The following ARNT2 variants were observed in gnomAD, a reference collection of about 807,000 sequenced individuals.
ARNT2 encodes ARNT protein 2.
In ARNT2, 36 loss-of-function variants were observed where a neutral mutation model predicts 91.7. The observed-to-expected ratio is 0.39, with a 90% CI of 0.30 to 0.52. The LOEUF (loss-of-function observed/expected upper bound fraction) is 0.52. Ranked by LOEUF, ARNT2 falls within the 20% of genes least tolerant of loss-of-function variation. The pLI, the probability that ARNT2 is intolerant of heterozygous loss-of-function variation, is 0.72. For missense variants in ARNT2, 775 were observed against 939.3 expected (o/e 0.83, Z 2.29); for synonymous variants, 365 against 347.1 (o/e 1.05, Z -0.57).
chr15:80,512,183 T>C (rs758656218), intron 6 of ARNT2, among the ~76,000 whole-genome samples: 2 of 152,224 alleles, frequency 1.3e-5, no homozygotes, highest in Non-Finnish European at 2.9e-5. Context: ...ATGTACAGGC[T>C]GGTTGGTCTC....
Position 80,505,867 on chromosome 15 carries a change from G to A in ARNT2, c.623-2289G>A, listed in dbSNP as rs139946427. Reference sequence around the variant, plus strand: ...AGATGCCCAAGAGACAGTTGTACATGTAAGAGCTTCCAAGAGAGGTCTGGC... The same window carrying A: ...AGATGCCCAAGAGACAGTTGTACATATAAGAGCTTCCAAGAGAGGTCTGGC... On this transcript the variant is annotated intron_variant, in intron 5 of 18. Coordinates refer to ENST00000303329, the MANE Select transcript of ARNT2 (RefSeq NM_014862.4). Among the ~76,000 whole-genome samples, 10 of 150,430 alleles carry A rather than the reference G, an allele frequency of 6.6e-5. No homozygotes were observed. The East Asian group carries it at 2.0e-3, about 29-fold the overall frequency.
At chr15:80,480,489 G>T (rs1006553369) in intron 5 of ARNT2, among the ~76,000 whole-genome samples, 1 of 152,160 alleles carries the variant, frequency 6.6e-6, no homozygotes, top group African/African-American at 2.4e-5. Flanking sequence ...CTCAAGCACT[G>T]CCCTGGGTGG....
chr15:80,480,220 G>A lies in ARNT2; in HGVS notation c.622+4997G>A, dbSNP rs74027990. 6.4e-3 allele frequency among the ~76,000 whole-genome samples: 977 copies of A among 152,316 alleles called. 11 individuals carry two copies. The highest frequency in any genetic ancestry group is 0.022 in the African/African-American group (909 of 41,576). ...CTAAGCCCCAGCTCTCTGCAGGGAA[G>A]GAGAGGAGCTGAGGAGAGGCCCAGG... On this transcript the variant is annotated intron_variant, in intron 5 of 18. Coordinates refer to ENST00000303329, the MANE Select transcript of ARNT2 (RefSeq NM_014862.4).
At chr15:80,563,321 T>C in intron 12 of ARNT2, 82 bp downstream of exon 12, 3 of 1,549,168 alleles carry the variant, frequency 1.9e-6, no homozygotes, top group Non-Finnish European at 2.7e-6. Flanking sequence ...TTGGAGTTCT[T>C]TCTCCCTGCC....
intron 5 of ARNT2, among the ~76,000 whole-genome samples, chr15:80,478,331 C>T (rs1276307170): frequency 6.6e-6 from 1 of 152,196 alleles, no homozygotes; most frequent in Non-Finnish European, 1.5e-5. Context: ...AAGGGTGTAG[C>T]CAGCTGGTTC....
chr15:80,562,876 G>A, intron 11 of ARNT2: 2 of 647,942 alleles, frequency 3.1e-6, no homozygotes, highest in Non-Finnish European at 5.5e-6. Context: ...GTTACAGAAT[G>A]ACCCAGATGC....
At chr15:80,546,287 A>G (rs1422116039) in intron 8 of ARNT2, among the ~76,000 whole-genome samples, 1 of 152,160 alleles carries the variant, frequency 6.6e-6, no homozygotes. Context: ...GATGGCTGCT[A>G]GCACTCCCCG....
chr15:80,467,203 AG>A (rs1896668376), intron 3 of ARNT2, among the ~76,000 whole-genome samples: 1 of 152,140 alleles, frequency 6.6e-6, no homozygotes, highest in Admixed American at 6.5e-5. Context: ...GTGAGACTGG[AG>A]AAAAAGGCTG....
intron 11 of ARNT2, 135 bp from the exon 12 acceptor site, chr15:80,562,953 T>C (rs1335281366): frequency 1.1e-6 from 1 of 944,952 alleles, no homozygotes; most frequent in African/African-American, 1.7e-5. Flanking sequence ...CCTCTCTTAC[T>C]GTCTTTTAGC....
intron 12 of ARNT2, among the ~76,000 whole-genome samples, chr15:80,569,023 G>A (rs1898536487): frequency 6.6e-6 from 1 of 152,190 alleles, no homozygotes; most frequent in African/African-American, 2.4e-5. Flanking sequence ...CCTGTAACAA[G>A]TATTTCGAGT....
chr15:80,451,445 G>A (rs1896388351), intron 2 of ARNT2, among the ~76,000 whole-genome samples: 1 of 152,024 alleles, frequency 6.6e-6, no homozygotes, highest in South Asian at 2.1e-4. Context: ...AGTGCTTGAA[G>A]ACCAGACAGT....
intron 11 of ARNT2, among the ~76,000 whole-genome samples, chr15:80,559,326 G>GCCCC (rs1190177987): frequency 3.8e-4 from 57 of 148,308 alleles, no homozygotes; most frequent in Admixed American, 1.1e-3. Context: ...CCCAGCCCCA[G>GCCCC]ACCCAGCCCC....
chr15:80,552,688 A>T lies in ARNT2; in HGVS notation c.1003A>T (p.Thr335Ser). 6.2e-7 allele frequency: 1 copy of T among 1,614,164 alleles called. No homozygotes were observed. The part of the protein sequence containing the change: ...CMDMNGMSVP[T>S]EFLSRHNSDG... ...GGACATGAATGGGATGTCGGTGCCCACAGAGTTCTTATCCCGGCATAACTC... is the reference window on the plus strand; with the variant it reads ...GGACATGAATGGGATGTCGGTGCCCTCAGAGTTCTTATCCCGGCATAACTC... The change falls in exon 10 of 19, where the codon ACA becomes TCA. Residue 335 changes from threonine to serine, a missense_variant. Coordinates refer to ENST00000303329, the MANE Select transcript of ARNT2 (RefSeq NM_014862.4).
At chr15:80,469,836 A>G (rs1008970491) in intron 3 of ARNT2, among the ~76,000 whole-genome samples, 4 of 152,196 alleles carry the variant, frequency 2.6e-5, no homozygotes, top group Admixed American at 1.3e-4. Flanking sequence ...GCTGGTCTCA[A>G]ACTTCTGGCT....
At chr15:80,443,152 G>A in intron 1 of ARNT2, 3 of 512,798 alleles carry the variant, frequency 5.9e-6, no homozygotes, top group Non-Finnish European at 7.5e-6. Flanking sequence ...CTAATGAGGT[G>A]AAGAGAGAGA....
intron 1 of ARNT2, among the ~76,000 whole-genome samples, chr15:80,449,350 C>T (rs574715573): frequency 4.9e-4 from 75 of 152,248 alleles, no homozygotes; most frequent in Non-Finnish European, 1.8e-4. Context: ...AGTTTGGGGA[C>T]ATAATGGACT....
intron 10 of ARNT2, among the ~76,000 whole-genome samples, chr15:80,553,463 C>T (rs1050416648): frequency 6.6e-6 from 1 of 152,048 alleles, no homozygotes; most frequent in Non-Finnish European, 1.5e-5. Flanking sequence ...AGCACATTGT[C>T]GTTTTGTAAG....
intron 5 of ARNT2, among the ~76,000 whole-genome samples, chr15:80,479,235 T>G (rs993389799): frequency 6.6e-6 from 1 of 152,228 alleles, no homozygotes; most frequent in Non-Finnish European, 1.5e-5. Flanking sequence ...AAAATCAATA[T>G]GCTGTCAAAG....
chr15:80,580,578 T>G (rs1490819350), intron 16 of ARNT2, 29 bp downstream of exon 16: 1 of 1,613,032 alleles, frequency 6.2e-7, no homozygotes, highest in Non-Finnish European at 8.5e-7. Flanking sequence ...GCATCTCCCC[T>G]GGGTGACCAG....
Sources: gnomAD v4.1 joint callset for allele counts (sites outside exome capture counted in the v4.1 genomes callset) on GRCh38, gnomAD v4.1.1 for gene constraint, MANE v1.5 for transcripts, NCBI Gene and HGNC (gene_info 2026-07-23, HGNC 2026-07-21) for gene names.